Variants in POLR3G observed in about 807,000 individuals in gnomAD.
POLR3G encodes DNA-directed RNA polymerase III subunit RPC7.
In POLR3G, 28 loss-of-function variants were observed where a neutral mutation model predicts 30.1. The ratio of observed to expected loss-of-function variants is 0.93; its 90% CI spans 0.69 to 1.27. The LOEUF is 1.27. Among genes scored for constraint, POLR3G ranks in the 50% most tolerant of loss-of-function variants. The pLI is 0.00. For synonymous variants in POLR3G, 79 were observed against 82.5 expected, an observed-to-expected ratio of 0.96 and a Z score of 0.23; for missense variants, 254 against 264.6, an observed-to-expected ratio of 0.96 and a Z score of 0.28.
In POLR3G at chr5:90,501,823, C is replaced by T; in HGVS notation, c.356-83C>T. The T allele has an allele frequency of 2.6e-6, 4 of 1,509,468 alleles. No homozygotes were observed. In the South Asian group the frequency reaches 3.6e-5, roughly 13 times the overall value. 93.5% of individuals were successfully genotyped at this position (1,509,468 alleles called of 1,614,324 possible). ...CTGCCTAGGATGCAGTAGCACGATG[C>T]TGGACAGCATACGCAAAGACAAGGA... On this transcript the variant is annotated intron_variant, in intron 5 of 7. Coordinates refer to ENST00000651687, the MANE Select transcript of POLR3G (RefSeq NM_006467.3).
At chr5:90,484,636 G>A (rs1751342566) in intron 1 of POLR3G, among the ~76,000 whole-genome samples, 1 of 152,216 alleles carries the variant, frequency 6.6e-6, no homozygotes. Context: ...AGGAGGGCAA[G>A]TGAGTAGATT....
chr5:90,512,083 G>C lies in POLR3G; in HGVS notation c.616G>C (p.Asp206His). The change falls in exon 8 of 8, where the codon GAT becomes CAT. Residue 206 changes from aspartate to histidine, a missense_variant. Coordinates refer to ENST00000651687, the MANE Select transcript of POLR3G (RefSeq NM_006467.3). ...TGACTACATTAATTCATACTTTGAA[G>C]ATGGAGATGATTTTGGCGCAGACAG... ...ENDYINSYFE[D>H]GDDFGADSDD... 6.2e-7 allele frequency: 1 copy of C among 1,608,026 alleles called. No individual in the cohort carries two copies. The highest frequency in any genetic ancestry group is 8.5e-7 in the Non-Finnish European group (1 of 1,174,712).
At chr5:90,505,365 CAT>C (rs1310029069) in intron 6 of POLR3G, among the ~76,000 whole-genome samples, 2 of 152,052 alleles carry the variant, frequency 1.3e-5, no homozygotes, top group Admixed American at 6.5e-5. Context: ...GAAATTCTAT[CAT>C]ATGTGCAAAT....
chr5:90,489,644 T>G (rs1751624797), intron 3 of POLR3G, among the ~76,000 whole-genome samples: 1 of 152,160 alleles, frequency 6.6e-6, no homozygotes, highest in South Asian at 2.1e-4. Flanking sequence ...ACTTTTCATT[T>G]TAAAGATTTT....
chr5:90,482,846 A>G (rs1217058768), intron 1 of POLR3G, among the ~76,000 whole-genome samples: 10 of 152,062 alleles, frequency 6.6e-5, no homozygotes, highest in Admixed American at 6.6e-4. Context: ...TAACTTTAAA[A>G]TCTCTGATCT....
At chr5:90,499,499 C>T (rs1752141282) in intron 5 of POLR3G, among the ~76,000 whole-genome samples, 1 of 152,150 alleles carries the variant, frequency 6.6e-6, no homozygotes, top group African/African-American at 2.4e-5. Context: ...GAAAGATTCA[C>T]TGAGGTAGAA....
intron 2 of POLR3G, among the ~76,000 whole-genome samples, chr5:90,487,470 C>G (rs541374582): frequency 0.014 from 1,924 of 136,652 alleles, 29 homozygotes; most frequent in Non-Finnish European, 0.021. Flanking sequence ...TGGCTCACTG[C>G]AAGCTCCGCC....
intron 1 of POLR3G, among the ~76,000 whole-genome samples, chr5:90,478,242 T>C (rs551951077): frequency 7.2e-5 from 11 of 152,332 alleles, no homozygotes; most frequent in African/African-American, 2.6e-4. Context: ...ACACCCATTT[T>C]CAAACCTCTC....
chr5:90,491,300 C>T (rs1751713861), intron 3 of POLR3G, among the ~76,000 whole-genome samples: 1 of 152,196 alleles, frequency 6.6e-6, no homozygotes, highest in Non-Finnish European at 1.5e-5. Context: ...AAGAGATCGT[C>T]TAGTCTAGTG....
At chr5:90,499,724 C>CAATACAAT (rs1198296290) in intron 5 of POLR3G, among the ~76,000 whole-genome samples, 1 of 152,132 alleles carries the variant, frequency 6.6e-6, no homozygotes, top group African/African-American at 2.4e-5. Context: ...AATTGACATA[C>CAATACAAT]AATACAATGC....
At chr5:90,504,485 C>T (rs2151913545) in intron 6 of POLR3G, among the ~76,000 whole-genome samples, 1 of 151,788 alleles carries the variant, frequency 6.6e-6, no homozygotes. Flanking sequence ...TGATGTGAAC[C>T]TGGGAGGTGG....
intron 1 of POLR3G, among the ~76,000 whole-genome samples, chr5:90,484,230 T>C (rs1010276741): frequency 6.6e-6 from 1 of 152,164 alleles, no homozygotes; most frequent in African/African-American, 2.4e-5. Context: ...TCTTTTTTCT[T>C]TAGGTCTGTG....
At chr5:90,511,080 A>G (rs1752719040) in intron 7 of POLR3G, among the ~76,000 whole-genome samples, 1 of 152,048 alleles carries the variant, frequency 6.6e-6, no homozygotes, top group African/African-American at 2.4e-5. Flanking sequence ...TTCATAGCTA[A>G]TCTTTCAACC....
rs1752786077 is a variant in POLR3G at position 90,512,438 on chromosome 5, G to A, written c.*299G>A. ...AAGAATTTTTGCTCTCTTAATCTAT[G>A]TATACATACTTGAACAAATCATTCT... On this transcript the variant is annotated 3_prime_UTR_variant, in exon 8 of 8. Transcript: ENST00000651687. 3.9e-6 allele frequency: 1 copy of A among 257,124 alleles called. No homozygotes were observed. 15.9% of individuals were successfully genotyped at this position (257,124 alleles called of 1,614,324 possible). A position where few individuals can be genotyped will look rare whatever the true frequency, so the allele number is the denominator to read the frequency against.
intron 1 of POLR3G, among the ~76,000 whole-genome samples, chr5:90,482,277 C>T (rs1174869105): frequency 1.3e-5 from 2 of 152,162 alleles, no homozygotes; most frequent in Non-Finnish European, 2.9e-5. Context: ...CCTAATTGAT[C>T]CCATCTTGCT....
intron 6 of POLR3G, among the ~76,000 whole-genome samples, 166 bp from the exon 7 acceptor site, chr5:90,506,362 A>T (rs559953172): frequency 1.3e-5 from 2 of 152,348 alleles, no homozygotes; most frequent in African/African-American, 4.8e-5. Flanking sequence ...TGAGACAGTA[A>T]ATTCCTTCTT....
At position 90,512,472 on chromosome 5, in the gene POLR3G, T is replaced by G. The variant is rs1752786785; in HGVS notation, c.*333T>G. 1 of 182,602 alleles carries G rather than the reference T, an allele frequency of 5.5e-6. No individual in the cohort carries two copies. The highest frequency in any genetic ancestry group is 1.6e-4 in the South Asian group (1 of 6,344). The allele number at this position is 182,602 out of a possible 1,614,324, so 11.3% of individuals were successfully genotyped here. A position where few individuals can be genotyped will look rare whatever the true frequency, so the allele number is the denominator to read the frequency against. ...CTTGAACAAATCATTCTTGCTTAAC[T>G]GCTGATCTTTTGTAAAACTATTGCT... On this transcript the variant is annotated 3_prime_UTR_variant, in exon 8 of 8. Coordinates refer to ENST00000651687, the MANE Select transcript of POLR3G (RefSeq NM_006467.3).
chr5:90,488,190 C>T, intron 3 of POLR3G, 61 bp downstream of exon 3: 1 of 1,313,498 alleles, frequency 7.6e-7, no homozygotes, highest in Non-Finnish European at 1.0e-6. Flanking sequence ...AGTGTTTAAG[C>T]ACAAGATATA....
chr5:90,497,175 A>G (rs1333335590), intron 4 of POLR3G, among the ~76,000 whole-genome samples: 1 of 152,064 alleles, frequency 6.6e-6, no homozygotes, highest in Non-Finnish European at 1.5e-5. Flanking sequence ...AGCTATTTAT[A>G]TTTTTAATTT....
Sources: allele counts gnomAD v4.1 joint callset (sites outside exome capture counted in the v4.1 genomes callset), GRCh38; gene constraint gnomAD v4.1.1; transcripts MANE v1.5; gene names NCBI Gene and HGNC (gene_info 2026-07-23, HGNC 2026-07-21).